The following RUNX1 variants were observed in gnomAD, a reference collection of about 807,000 sequenced individuals.
RUNX1 encodes the protein RUNX family transcription factor 1, also known as runt-related transcription factor 1.
Under a neutral mutation model 42.8 loss-of-function variants are expected in RUNX1, and 19 were observed. The observed-to-expected ratio is 0.44, with a 90% CI of 0.31 to 0.65. The LOEUF (loss-of-function observed/expected upper bound fraction) is 0.65. RUNX1 is among the 30% of genes least tolerant of loss of function. The pLI is 0.07. For synonymous variants in RUNX1, 271 were observed against 289.4 expected (o/e 0.94, Z 0.64); for missense variants, 528 against 672.0 (o/e 0.79, Z 2.37).
Position 34,799,520 on chromosome 21 carries a change from C to A in RUNX1, c.806-58G>T, listed in dbSNP as rs192886268. On this transcript the variant is annotated intron_variant, in intron 7 of 8. Transcript: ENST00000675419. ...AAGTGGGGTGGGATTTAAAAAATGT[C>A]TTTTAATAAGAAATGAGTGGCCCTT... 31 of 1,504,186 alleles carry A rather than the reference C, an allele frequency of 2.1e-5. No individual in the cohort carries two copies. The East Asian group carries it at 6.1e-4, about 30-fold the overall frequency. The allele number at this position is 1,504,186 out of a possible 1,614,324, so 93.2% of individuals were successfully genotyped here.
intron 7 of RUNX1, among the ~76,000 whole-genome samples, chr21:34,826,594 G>T (rs2056992036): frequency 6.6e-6 from 1 of 151,172 alleles, no homozygotes; most frequent in Non-Finnish European, 1.5e-5. Flanking sequence ...GTGCCACCAT[G>T]CCCAGCTAAT....
At chr21:34,890,298 C>T (rs1294726347) in intron 3 of RUNX1, among the ~76,000 whole-genome samples, 1 of 152,022 alleles carries the variant, frequency 6.6e-6, no homozygotes, top group Admixed American at 6.6e-5. Context: ...CGGCCCGCCT[C>T]GTGGCCTTCG....
chr21:35,019,895 G>T (rs981433768), intron 2 of RUNX1, among the ~76,000 whole-genome samples: 4 of 152,086 alleles, frequency 2.6e-5, no homozygotes, highest in Non-Finnish European at 4.4e-5. Flanking sequence ...AGATTCTAGC[G>T]AAGGGCTGCT....
intron 4 of RUNX1, 30 bp downstream of exon 4, chr21:34,886,813 G>A: frequency 6.2e-7 from 1 of 1,611,954 alleles, no homozygotes; most frequent in South Asian, 1.1e-5. Context: ...GCCTCCGCCT[G>A]TCCTCCCACC....
rs973906992 is a variant in RUNX1 at position 34,998,687 on chromosome 21, A to G, written c.58+50155T>C. 1.9e-3 allele frequency among the ~76,000 whole-genome samples: 292 copies of G among 151,952 alleles called. 1 individual carries two copies. Among genetic ancestry groups the G allele is most frequent in the Middle Eastern group, 6.8e-3 (2 of 294 alleles). ...CTCCCGAGTAGCTGGGACTACAGGC[A>G]CCCGCCACCATGCCTGGCTAATTTT... On this transcript the variant is annotated intron_variant, in intron 2 of 8. Transcript: ENST00000675419.
chr21:34,859,870 G>A (rs560216242), intron 5 of RUNX1, among the ~76,000 whole-genome samples: 18 of 152,322 alleles, frequency 1.2e-4, no homozygotes, highest in African/African-American at 4.1e-4. Flanking sequence ...GGAAACCATA[G>A]AGTCAGATTG....
At chr21:34,933,654 A>T (rs1454311171) in intron 2 of RUNX1, among the ~76,000 whole-genome samples, 1 of 152,224 alleles carries the variant, frequency 6.6e-6, no homozygotes, top group African/African-American at 2.4e-5. Context: ...AAAAGTTCCT[A>T]GGTCTTGCCT....
intron 2 of RUNX1, among the ~76,000 whole-genome samples, chr21:34,927,227 G>A (rs1336193594): frequency 1.3e-5 from 2 of 152,184 alleles, no homozygotes; most frequent in African/African-American, 2.4e-5. Context: ...AGTCAGTCTT[G>A]GGAAGTACCA....
intron 2 of RUNX1, among the ~76,000 whole-genome samples, chr21:34,963,528 G>T (rs1274391289): frequency 6.6e-6 from 1 of 152,206 alleles, no homozygotes; most frequent in Non-Finnish European, 1.5e-5. Flanking sequence ...TGCACTCAGA[G>T]GTTCAACATC....
At chr21:35,003,265 G>A (rs1482709809) in intron 2 of RUNX1, among the ~76,000 whole-genome samples, 1 of 152,220 alleles carries the variant, frequency 6.6e-6, no homozygotes, top group African/African-American at 2.4e-5. Flanking sequence ...ATGGCTAAGT[G>A]TGGGATGCCA....
intron 6 of RUNX1, among the ~76,000 whole-genome samples, chr21:34,853,327 AATG>A (rs1199854182): frequency 6.6e-6 from 1 of 152,226 alleles, no homozygotes; most frequent in Non-Finnish European, 1.5e-5. Flanking sequence ...GTACAAAAAA[AATG>A]ATGAATGCCA....
rs529894328 is a variant in RUNX1, at chr21:34,889,652, G to C, written c.98-2556C>G. On this transcript the variant is annotated intron_variant, in intron 3 of 8. Coordinates refer to ENST00000675419, the MANE Select transcript of RUNX1 (RefSeq NM_001754.5). Reference sequence around the variant, plus strand: ...CTCCTCTCCCCGCCCCCGTGCGCTCGAGCGGCCCCAGGTGCGGAACCCACC... The same window carrying C: ...CTCCTCTCCCCGCCCCCGTGCGCTCCAGCGGCCCCAGGTGCGGAACCCACC... 10,788 of 1,115,470 alleles carry C rather than the reference G, an allele frequency of 9.7e-3. 64 individuals carry two copies. The highest frequency in any genetic ancestry group is 0.022 in the Middle Eastern group (54 of 2,472). The allele number at this position is 1,115,470 out of a possible 1,614,324, so 69.1% of individuals were successfully genotyped here.
At chr21:34,923,923 A>C (rs955027130) in intron 2 of RUNX1, among the ~76,000 whole-genome samples, 15 of 152,268 alleles carry the variant, frequency 9.9e-5, no homozygotes, top group African/African-American at 3.6e-4. Context: ...CCTGCTTGAA[A>C]GCCTTCTATA....
At chr21:34,812,407 T>C (rs1273500155) in intron 7 of RUNX1, among the ~76,000 whole-genome samples, 2 of 152,196 alleles carry the variant, frequency 1.3e-5, no homozygotes, top group Admixed American at 6.5e-5. Flanking sequence ...AAGGAAACAC[T>C]TGAAGATAAG....
chr21:34,977,387 T>C (rs145744064), intron 2 of RUNX1, among the ~76,000 whole-genome samples: 58 of 152,346 alleles, frequency 3.8e-4, no homozygotes, highest in African/African-American at 1.3e-3. Context: ...TCTGGAAAAC[T>C]ACCCCAGGAG....
At chr21:35,028,596 T>C (rs1256406716) in intron 2 of RUNX1, among the ~76,000 whole-genome samples, 1 of 152,258 alleles carries the variant, frequency 6.6e-6, no homozygotes, top group Non-Finnish European at 1.5e-5. Context: ...TGCTGTGGTA[T>C]TAATGATAGG....
At chr21:34,990,136 C>T (rs8129846) in intron 2 of RUNX1, among the ~76,000 whole-genome samples, 37,517 of 152,122 alleles carry the variant, frequency 0.25, 6,794 homozygotes, top group African/African-American at 0.51. Context: ...CTGAGCTGCT[C>T]CCTCCTGAAT....
At chr21:34,987,465 A>G (rs1037736104) in intron 2 of RUNX1, among the ~76,000 whole-genome samples, 1 of 152,180 alleles carries the variant, frequency 6.6e-6, no homozygotes, top group Non-Finnish European at 1.5e-5. Flanking sequence ...ATACTAATTT[A>G]GGACCCGAAA....
chr21:35,035,740 T>C (rs1256930791), intron 2 of RUNX1, among the ~76,000 whole-genome samples: 1 of 152,188 alleles, frequency 6.6e-6, no homozygotes, highest in Non-Finnish European at 1.5e-5. Flanking sequence ...GGTTCCTCCC[T>C]CTCCCTCTCG....
Sources: allele counts gnomAD v4.1 joint callset (sites outside exome capture counted in the v4.1 genomes callset), GRCh38; gene constraint gnomAD v4.1.1; transcripts MANE v1.5; gene names NCBI Gene and HGNC (gene_info 2026-07-23, HGNC 2026-07-21).